HEMK1: variants seen among roughly 807,000 people sequenced by gnomAD.
The protein encoded by HEMK1 is HemK methyltransferase 1, mitochondrial release factors N(5)-glutamine, also known as MTRF1L release factor glutamine methyltransferase.
HEMK1 carries 36 observed loss-of-function variants against 47.9 expected under a neutral mutation model. The observed-to-expected ratio is 0.75, with a 90% CI of 0.58 to 0.99. The LOEUF is 0.99. Ranked by LOEUF, HEMK1 falls within the 50% of genes least tolerant of loss-of-function variation. The probability of loss-of-function intolerance (pLI) is 0.00; values close to 1 mark genes in which losing one functional copy is unlikely to be tolerated. For synonymous variants in HEMK1, 153 were observed against 165.4 expected (o/e 0.93, Z 0.57); for missense variants, 383 against 434.5 (o/e 0.88, Z 1.05).
rs552599834 is a variant in HEMK1 at position 50,581,132 on chromosome 3, C to T, written c.*715C>T. 6.6e-6 allele frequency: 1 copy of T among 152,332 alleles called. No homozygotes were observed. The highest frequency in any genetic ancestry group is 2.4e-5 in the African/African-American group (1 of 41,530). The allele number at this position is 152,332 out of a possible 1,614,324, so 9.4% of individuals were successfully genotyped here. The stretch of plus-strand genomic sequence containing the variant: ...CCCCATAGCTTTTAGCTAAAACATC[C>T]CTCCCGAGTTGACCCCCTGGGGTTT... On this transcript the variant is annotated 3_prime_UTR_variant, in exon 11 of 11. Transcript: ENST00000232854.
rs1226615821 is a variant in HEMK1, at chr3:50,585,426, TTC to T, written c.*5012_*5013del. ...TGGTGGAGTGGGGCTATCCCTGGGG[TTC>T]TCAACCTCCTGGTTCCTAAAACTGA... On this transcript the variant is annotated 3_prime_UTR_variant, in exon 11 of 11. Transcript: ENST00000232854. 6.6e-6 allele frequency: 1 copy of T among 152,322 alleles called. No homozygotes were observed. The highest frequency in any genetic ancestry group is 1.5e-5 in the Non-Finnish European group (1 of 68,188). 9.4% of individuals were successfully genotyped at this position (152,322 alleles called of 1,614,324 possible).
Position 50,577,115 on chromosome 3 carries a change from A to G in HEMK1, c.478A>G (p.Ser160Gly). The G allele has an allele frequency of 6.2e-7, 1 of 1,613,864 alleles. No individual in the cohort carries two copies. Among genetic ancestry groups the G allele is most frequent in the African/African-American group, 1.3e-5 (1 of 75,046 alleles). The change falls in exon 5 of 11, where the codon AGC becomes GGC. Residue 160 changes from serine to glycine, a missense_variant. Physicochemically the swap from Ser to Gly is moderately conservative, Grantham distance 56 (BLOSUM62 0). Transcript: ENST00000232854. Reference sequence around the variant, plus strand: ...GTCCCATGCTGTGGGATCCCCAGGCAGCCCCCTCATTCTGGAGGTGGGCTG... The same window carrying G: ...GTCCCATGCTGTGGGATCCCCAGGCGGCCCCCTCATTCTGGAGGTGGGCTG... ...QRSHAVGSPG[S>G]PLILEVGCGS...
chr3:50,580,059 C>A lies in HEMK1; in HGVS notation c.867-57C>A, dbSNP rs1053773906. 5.8e-6 allele frequency: 9 copies of A among 1,557,112 alleles called. No homozygotes were observed. The Admixed American group carries it at 1.5e-4, about 26-fold the overall frequency. On this transcript the variant is annotated intron_variant, in intron 9 of 10. Transcript: ENST00000232854. Reference sequence around the variant, plus strand: ...CCTCACCTCGCCAGCCCAAGCAGCCCAGAAGGGCAGGCGCCAGACCTGTCC... The same window carrying A: ...CCTCACCTCGCCAGCCCAAGCAGCCAAGAAGGGCAGGCGCCAGACCTGTCC...
rs1226021824 is a variant in HEMK1 at position 50,585,683 on chromosome 3, G to C, written c.*5266G>C. 6.6e-6 allele frequency: 1 copy of C among 152,236 alleles called. No individual in the cohort carries two copies. Among genetic ancestry groups the C allele is most frequent in the Non-Finnish European group, 1.5e-5 (1 of 68,052 alleles). The allele number at this position is 152,236 out of a possible 1,614,324, so 9.4% of individuals were successfully genotyped here. A position where few individuals can be genotyped will look rare whatever the true frequency, so the allele number is the denominator to read the frequency against. ...TGGGGGACAGAGAGCATGGACACCT[G>C]GGTTCAAGGGTCAGCTTGGCCCCAA... On this transcript the variant is annotated 3_prime_UTR_variant, in exon 11 of 11. Transcript: ENST00000232854.
chr3:50,577,026 C>G (rs371979770), intron 4 of HEMK1, 26 bp from the exon 5 acceptor site: 1,413 of 1,613,340 alleles, frequency 8.8e-4, no homozygotes, highest in Non-Finnish European at 1.2e-3. Flanking sequence ...GGCACCGACT[C>G]TGATCCAGAT....
At chr3:50,576,084 A>G (rs1031761220) in intron 4 of HEMK1, among the ~76,000 whole-genome samples, 1 of 152,200 alleles carries the variant, frequency 6.6e-6, no homozygotes, top group African/African-American at 2.4e-5. Context: ...ATGCCTGTGT[A>G]TGCCACAGCC....
At chr3:50,579,749 C>T in intron 8 of HEMK1, 95 bp from the exon 9 acceptor site, 1 of 890,346 alleles carries the variant, frequency 1.1e-6, no homozygotes, top group East Asian at 2.4e-5. Context: ...GTGTAAGTTC[C>T]ACAGGGCCCC....
rs2030780102 is a variant in HEMK1 at position 50,581,334 on chromosome 3, G to C, written c.*917G>C. On this transcript the variant is annotated 3_prime_UTR_variant, in exon 11 of 11. Coordinates refer to ENST00000232854, the MANE Select transcript of HEMK1 (RefSeq NM_016173.5). ...GAAATCTCTAGGTTGGTGAGTGCTG[G>C]TGATGTGAGCCTACATCAGGGTGGG... 1 of 152,258 alleles carries C rather than the reference G, an allele frequency of 6.6e-6. No individual in the cohort carries two copies. Among genetic ancestry groups the C allele is most frequent in the South Asian group, 2.1e-4 (1 of 4,834 alleles). 9.4% of individuals were successfully genotyped at this position (152,258 alleles called of 1,614,324 possible).
intron 1 of HEMK1, 64 bp from the exon 2 acceptor site, chr3:50,570,867 G>A (rs1209488112): frequency 2.3e-6 from 1 of 437,632 alleles, no homozygotes; most frequent in Non-Finnish European, 4.1e-6. Flanking sequence ...CTCAGGCAAT[G>A]TATTGGTAGA....
chr3:50,589,756 G>A lies in HEMK1; in HGVS notation c.*9339G>A, dbSNP rs1447526624. ...TACTAAAAATACAAAAATTAGCCGG[G>A]TGTGGTGGCTCACGCCTGTAATCCC... On this transcript the variant is annotated 3_prime_UTR_variant, in exon 11 of 11. Transcript: ENST00000232854. 2.0e-5 allele frequency: 3 copies of A among 152,218 alleles called. No homozygotes were observed. In the East Asian group the frequency reaches 5.8e-4, roughly 29 times the overall value. 9.4% of individuals were successfully genotyped at this position (152,218 alleles called of 1,614,324 possible). A position where few individuals can be genotyped will look rare whatever the true frequency, so the allele number is the denominator to read the frequency against.
rs1304892298 is a variant in HEMK1, at chr3:50,593,382, TG to T, written c.*12968del. Reference sequence around the variant, plus strand: ...CTCAGGGGCCCCGGAGAAGATTTGGTGGGCTAAGGGTGGGCAGGAGAATACA... The same window carrying T: ...CTCAGGGGCCCCGGAGAAGATTTGGTGGCTAAGGGTGGGCAGGAGAATACA... On this transcript the variant is annotated 3_prime_UTR_variant, in exon 11 of 11. Coordinates refer to ENST00000232854, the MANE Select transcript of HEMK1 (RefSeq NM_016173.5). 3.3e-5 allele frequency: 5 copies of T among 152,248 alleles called. No individual in the cohort carries two copies. In the East Asian group the frequency reaches 9.6e-4, roughly 29 times the overall value. 9.4% of individuals were successfully genotyped at this position (152,248 alleles called of 1,614,324 possible).
intron 4 of HEMK1, among the ~76,000 whole-genome samples, chr3:50,576,470 A>G (rs1403883941): frequency 6.6e-6 from 1 of 152,112 alleles, no homozygotes; most frequent in Non-Finnish European, 1.5e-5. Context: ...CGCGATCCTG[A>G]TCCACTGCAA....
intron 2 of HEMK1, 178 bp from the exon 3 acceptor site, chr3:50,571,532 C>T (rs1700956087): frequency 5.7e-6 from 4 of 704,546 alleles, no homozygotes; most frequent in East Asian, 2.6e-5. Flanking sequence ...CTGGGATAGA[C>T]ACCTGGAAGC....
In HEMK1 at chr3:50,581,604, A is replaced by T. The variant is rs926053349; in HGVS notation, c.*1187A>T. 1 of 151,958 alleles carries T rather than the reference A, an allele frequency of 6.6e-6. No homozygotes were observed. Among genetic ancestry groups the T allele is most frequent in the African/African-American group, 2.4e-5 (1 of 41,344 alleles). 9.4% of individuals were successfully genotyped at this position (151,958 alleles called of 1,614,324 possible). ...GCCAACGCCAACTGGCAACCTCTTT[A>T]CTCTTAGTCAAGTGGAATGTGCATG... On this transcript the variant is annotated 3_prime_UTR_variant, in exon 11 of 11. Coordinates refer to ENST00000232854, the MANE Select transcript of HEMK1 (RefSeq NM_016173.5).
In HEMK1 at chr3:50,589,212, G is replaced by A. The variant is rs1313478961; in HGVS notation, c.*8795G>A. 2 of 152,208 alleles carry A rather than the reference G, an allele frequency of 1.3e-5. No individual in the cohort carries two copies. Among genetic ancestry groups the A allele is most frequent in the Non-Finnish European group, 2.9e-5 (2 of 68,050 alleles). The allele number at this position is 152,208 out of a possible 1,614,324, so 9.4% of individuals were successfully genotyped here. On this transcript the variant is annotated 3_prime_UTR_variant, in exon 11 of 11. Transcript: ENST00000232854. Reference sequence around the variant, plus strand: ...TTTGATTTTGGTAGCACAGGACAAAGTGACCGCTGATTCTCACAGATAATT... The same window carrying A: ...TTTGATTTTGGTAGCACAGGACAAAATGACCGCTGATTCTCACAGATAATT...
Position 50,591,792 on chromosome 3 carries a change from T to C in HEMK1, c.*11375T>C, listed in dbSNP as rs1344768384. ...CCATGTAAGCTCAAACACTGCCCCA[T>C]GTCATAGAAAAGAGGGCCAAAGATG... On this transcript the variant is annotated 3_prime_UTR_variant, in exon 11 of 11. Transcript: ENST00000232854. 6.6e-6 allele frequency: 1 copy of C among 151,824 alleles called. No homozygotes were observed. Among genetic ancestry groups the C allele is most frequent in the African/African-American group, 2.4e-5 (1 of 41,314 alleles). 9.4% of individuals were successfully genotyped at this position (151,824 alleles called of 1,614,324 possible).
In HEMK1 at chr3:50,587,371, G is replaced by T. The variant is rs572622918; in HGVS notation, c.*6954G>T. On this transcript the variant is annotated 3_prime_UTR_variant, in exon 11 of 11. Transcript: ENST00000232854. This position sits in a 1 kb window ranked among gnomAD's most constrained non-coding sequence, Gnocchi z 4.2. Reference sequence around the variant, plus strand: ...ACCAGGGAGATGATACCAAGTGGAGGGTCCTATAGAATATGGTGCATCCTG... The same window carrying T: ...ACCAGGGAGATGATACCAAGTGGAGTGTCCTATAGAATATGGTGCATCCTG... 3 of 152,182 alleles carry T rather than the reference G, an allele frequency of 2.0e-5. No homozygotes were observed. Among genetic ancestry groups the T allele is most frequent in the Non-Finnish European group, 4.4e-5 (3 of 68,042 alleles). 9.4% of individuals were successfully genotyped at this position (152,182 alleles called of 1,614,324 possible). A position where few individuals can be genotyped will look rare whatever the true frequency, so the allele number is the denominator to read the frequency against.
In HEMK1 at chr3:50,592,760, TCTC is replaced by T. The variant is rs1396739743; in HGVS notation, c.*12348_*12350del. Reference sequence around the variant, plus strand: ...GTCACCACCTGCCCCCAACCCTACTTCTCCTCCGAAGGCCCAACAAGGTCCTGT... The same window carrying T: ...GTCACCACCTGCCCCCAACCCTACTTCTCCGAAGGCCCAACAAGGTCCTGT... On this transcript the variant is annotated 3_prime_UTR_variant, in exon 11 of 11. Transcript: ENST00000232854. 2 of 152,156 alleles carry T rather than the reference TCTC, an allele frequency of 1.3e-5. No individual in the cohort carries two copies. The highest frequency in any genetic ancestry group is 6.6e-5 in the Admixed American group (1 of 15,248). 9.4% of individuals were successfully genotyped at this position (152,156 alleles called of 1,614,324 possible). A position where few individuals can be genotyped will look rare whatever the true frequency, so the allele number is the denominator to read the frequency against.
At position 50,571,110 on chromosome 3, in the gene HEMK1, G is replaced by A. The variant is rs1271288533; in HGVS notation, c.6G>A (p.Glu2=). Residue 2 remains glutamate (E), a synonymous_variant, in exon 2 of 11, where the codon GAG becomes GAA. Transcript: ENST00000232854. ...GGAGAACCTTTCCCTGAGACATGGA[G>A]CTTTGGGGCCGAATGCTGTGGGCCC... M[E]LWGRMLWALL... 6 of 1,589,594 alleles carry A rather than the reference G, an allele frequency of 3.8e-6. No homozygotes were observed. The highest frequency in any genetic ancestry group is 3.4e-5 in the South Asian group (3 of 88,076).
Sources: allele counts gnomAD v4.1 joint callset (sites outside exome capture counted in the v4.1 genomes callset), GRCh38; gene constraint gnomAD v4.1.1; non-coding constraint Gnocchi (gnomAD v3.1); transcripts MANE v1.5; gene names NCBI Gene and HGNC (gene_info 2026-07-23, HGNC 2026-07-21).